Variants in MTMR9 observed in about 807,000 individuals in gnomAD.
MTMR9 encodes myotubularin-related protein 9.
A neutral mutation model predicts 69.5 loss-of-function variants in MTMR9; 39 were observed. The observed-to-expected ratio is 0.56, with a 90% CI of 0.43 to 0.73. The LOEUF (loss-of-function observed/expected upper bound fraction) is 0.73. Ranked by LOEUF, MTMR9 falls within the 30% of genes least tolerant of loss-of-function variation. MTMR9 has a pLI of 0.00. For missense variants in MTMR9, 900 were observed against 671.2 expected, an observed-to-expected ratio of 1.34 and a Z score of -3.77; for synonymous variants, 354 against 240.8, an observed-to-expected ratio of 1.47 and a Z score of -4.35.
Position 11,328,078 on chromosome 8 carries a change from T to C in MTMR9, c.*5290T>C, listed in dbSNP as rs1801028843. The C allele has an allele frequency of 6.6e-6, 1 of 152,188 alleles. No homozygotes were observed. Among genetic ancestry groups the C allele is most frequent in the South Asian group, 2.1e-4 (1 of 4,826 alleles). The allele number at this position is 152,188 out of a possible 1,614,324, so 9.4% of individuals were successfully genotyped here. A position where few individuals can be genotyped will look rare whatever the true frequency, so the allele number is the denominator to read the frequency against. ...CTGCCTCAGAGGACAGTTGCACAGA[T>C]GGCTAGTGTTAAATTTCTATAGACG... On this transcript the variant is annotated 3_prime_UTR_variant, in exon 10 of 10. Transcript: ENST00000221086.
At chr8:11,285,129 G>T in intron 1 of MTMR9, 59 bp downstream of exon 1, 1 of 1,447,898 alleles carries the variant, frequency 6.9e-7, no homozygotes, top group South Asian at 1.4e-5. Flanking sequence ...TGGGCGCCCC[G>T]GGAAATACTT....
Position 11,309,479 on chromosome 8 carries a change from C to T in MTMR9, c.810-48C>T, listed in dbSNP as rs770882766. On this transcript the variant is annotated intron_variant, in intron 5 of 9. Transcript: ENST00000221086. The stretch of plus-strand genomic sequence containing the variant: ...TGAATCTTTGGTTTGGTTTCTTTAT[C>T]TTTCTATTTTCTGGGTTTGTTATTT... The T allele has an allele frequency of 2.6e-6, 4 of 1,520,508 alleles. No homozygotes were observed. The East Asian group carries it at 9.1e-5, about 35-fold the overall frequency. 94.2% of individuals were successfully genotyped at this position (1,520,508 alleles called of 1,614,324 possible). A position where few individuals can be genotyped will look rare whatever the true frequency, so the allele number is the denominator to read the frequency against.
chr8:11,308,005 A>C (rs1800030257), intron 5 of MTMR9, among the ~76,000 whole-genome samples: 1 of 151,334 alleles, frequency 6.6e-6, no homozygotes, highest in Non-Finnish European at 1.5e-5. Context: ...TTGTCTCTTT[A>C]CTCTGTTGAT....
chr8:11,331,627 G>C (rs777424935), downstream of MTMR9: 38 of 1,612,868 alleles, frequency 2.4e-5, no homozygotes, highest in Non-Finnish European at 3.2e-5. Context: ...ATCATTCTGG[G>C]ACCTGGACTC....
Position 11,327,795 on chromosome 8 carries a change from C to A in MTMR9, c.*5007C>A, listed in dbSNP as rs1373099095. 6.6e-6 allele frequency: 1 copy of A among 152,428 alleles called. No individual in the cohort carries two copies. The highest frequency in any genetic ancestry group is 1.5e-5 in the Non-Finnish European group (1 of 68,010). The allele number at this position is 152,428 out of a possible 1,614,324, so 9.4% of individuals were successfully genotyped here. A position where few individuals can be genotyped will look rare whatever the true frequency, so the allele number is the denominator to read the frequency against. On this transcript the variant is annotated 3_prime_UTR_variant, in exon 10 of 10. Coordinates refer to ENST00000221086, the MANE Select transcript of MTMR9 (RefSeq NM_015458.4). ...CAAGAGTGCTGTAAGGTACAGGTTT[C>A]CATATTGTGAACCTGTGTACGCACA...
intron 1 of MTMR9, among the ~76,000 whole-genome samples, chr8:11,290,836 T>C (rs1338781482): frequency 6.6e-6 from 1 of 151,814 alleles, no homozygotes; most frequent in African/African-American, 2.4e-5. Context: ...TGTCCAAAAA[T>C]CGGATAGTGC....
At chr8:11,309,835 G>A in intron 6 of MTMR9, 147 bp downstream of exon 6, 1 of 772,758 alleles carries the variant, frequency 1.3e-6, no homozygotes, top group South Asian at 2.3e-5. Context: ...TTGATGAGGT[G>A]TGTGCCTAGA....
intron 3 of MTMR9, among the ~76,000 whole-genome samples, chr8:11,302,281 G>GAA (rs1799774432): frequency 3.7e-5 from 2 of 53,880 alleles, no homozygotes; most frequent in African/African-American, 7.5e-5. Flanking sequence ...AAAAGAGGAA[G>GAA]ACAAAAAAAA....
intron 6 of MTMR9, 72 bp from the exon 7 acceptor site, chr8:11,314,851 C>G (rs966915366): frequency 6.7e-7 from 1 of 1,482,212 alleles, no homozygotes; most frequent in Non-Finnish European, 9.4e-7. Flanking sequence ...TCAATAAACG[C>G]TTGTTATTAA....
rs774346464 is a variant in MTMR9, at chr8:11,304,884, T to C, written c.461T>C (p.Val154Ala). 3 of 1,614,152 alleles carry C rather than the reference T, an allele frequency of 1.9e-6. No homozygotes were observed. In the South Asian group the frequency reaches 3.3e-5, roughly 18 times the overall value. ...RLSYVNKEFA[V>A]CPSYPPIVTV... ...AGCTATGTCAATAAGGAATTTGCTG[T>C]CTGTCCCTCTTACCCACCAATTGTC... The change falls in exon 4 of 10, where the codon GTC becomes GCC. Residue 154 changes from valine (V) to alanine (A), a missense_variant. Val to Ala is a moderately conservative substitution (Grantham distance 64, BLOSUM62 0). Transcript: ENST00000221086.
At chr8:11,321,583 A>G in intron 9 of MTMR9, 2 of 448,912 alleles carry the variant, frequency 4.5e-6, no homozygotes, top group South Asian at 1.6e-5. Context: ...TGTGTGTTTC[A>G]TGCTCCTCAA....
intron 8 of MTMR9, chr8:11,317,156 G>A (rs1308840268): frequency 4.0e-6 from 1 of 249,728 alleles, no homozygotes; most frequent in African/African-American, 2.2e-5. Context: ...TCTTAACATA[G>A]GATCATAGTA....
At chr8:11,316,216 A>G (rs1266635680) in intron 7 of MTMR9, 5 of 152,484 alleles carry the variant, frequency 3.3e-5, no homozygotes, top group African/African-American at 1.2e-4. Flanking sequence ...TATAAAGGTG[A>G]TCAGAGTTCC....
At chr8:11,288,503 G>A (rs1170664950) in intron 1 of MTMR9, among the ~76,000 whole-genome samples, 1 of 151,742 alleles carries the variant, frequency 6.6e-6, no homozygotes, top group East Asian at 1.9e-4. Context: ...AATGAAATGA[G>A]GAAGCTAGAA....
chr8:11,327,728 T>C lies in MTMR9; in HGVS notation c.*4940T>C, dbSNP rs537046562. The C allele has an allele frequency of 6.6e-6, 1 of 152,666 alleles. No homozygotes were observed. The highest frequency in any genetic ancestry group is 2.4e-5 in the African/African-American group (1 of 41,472). The allele number at this position is 152,666 out of a possible 1,614,324, so 9.5% of individuals were successfully genotyped here. On this transcript the variant is annotated 3_prime_UTR_variant, in exon 10 of 10. Coordinates refer to ENST00000221086, the MANE Select transcript of MTMR9 (RefSeq NM_015458.4). ...CATGGCTTATACAATAAAATTGCAC[T>C]GTATGGCAAATATGTCTATAATGTA...
chr8:11,331,768 C>T, downstream of MTMR9: 3 of 1,611,990 alleles, frequency 1.9e-6, no homozygotes, highest in Admixed American at 5.0e-5. Context: ...TGCCTCCCAA[C>T]AGTGGCCTTC....
intron 8 of MTMR9, chr8:11,318,058 C>T (rs952451723): frequency 1.3e-5 from 2 of 152,190 alleles, no homozygotes; most frequent in South Asian, 4.1e-4. Flanking sequence ...TTAAGACACT[C>T]TTCAGTAAAG....
chr8:11,322,516 A>G, intron 9 of MTMR9, 109 bp from the exon 10 acceptor site: 1 of 901,986 alleles, frequency 1.1e-6, no homozygotes. Context: ...TTGTGGCAAC[A>G]AAAGAAAAAA....
intron 3 of MTMR9, among the ~76,000 whole-genome samples, chr8:11,301,951 G>A: frequency 6.6e-6 from 1 of 152,170 alleles, no homozygotes; most frequent in South Asian, 2.1e-4. Flanking sequence ...TATTACATGG[G>A]AGTTTAGGAT....
Sources: gnomAD v4.1 joint callset for allele counts (sites outside exome capture counted in the v4.1 genomes callset) on GRCh38, gnomAD v4.1.1 for gene constraint, MANE v1.5 for transcripts, NCBI Gene and HGNC (gene_info 2026-07-23, HGNC 2026-07-21) for gene names.